Variants in PIK3C2G observed in about 807,000 individuals in gnomAD.
PIK3C2G encodes the protein phosphatidylinositol-4-phosphate 3-kinase catalytic subunit type 2 gamma.
In PIK3C2G, 168 loss-of-function variants were observed where a neutral mutation model predicts 181.1. The ratio of observed to expected loss-of-function variants is 0.93; its 90% CI spans 0.82 to 1.05. The LOEUF (loss-of-function observed/expected upper bound fraction) is 1.05. Among genes scored for constraint, PIK3C2G ranks in the 50% least tolerant of loss-of-function variants. The pLI, the probability that PIK3C2G is intolerant of heterozygous loss-of-function variation, is 0.00. For missense variants in PIK3C2G, 1,869 were observed against 1,732.8 expected, an observed-to-expected ratio of 1.08 and a Z score of -1.40; for synonymous variants, 573 against 592.2, an observed-to-expected ratio of 0.97 and a Z score of 0.47.
chr12:18,646,768 C>T (rs1038401905), intron 32 of PIK3C2G, among the ~76,000 whole-genome samples: 3 of 152,118 alleles, frequency 2.0e-5, no homozygotes, highest in South Asian at 2.1e-4. Flanking sequence ...CAGATTTCCA[C>T]TCAGCTCTCT....
chr12:18,554,437 A>G lies in PIK3C2G; in HGVS notation c.3590+8005A>G, dbSNP rs1016073878. ...TCCTTTTTAGTATCTTATTTTGTTT[A>G]AAGGATTAGAATATAAACTGTAAAG... On this transcript the variant is annotated intron_variant, in intron 26 of 32. Coordinates refer to ENST00000538779, the MANE Select transcript of PIK3C2G (RefSeq NM_001288772.2). Among the ~76,000 whole-genome samples the G allele has an allele frequency of 3.3e-5, 5 of 152,184 alleles. No individual in the cohort carries two copies. In the South Asian group the frequency reaches 1.0e-3, roughly 32 times the overall value.
At chr12:18,421,239 T>C (rs985312666) in intron 17 of PIK3C2G, among the ~76,000 whole-genome samples, 1 of 151,906 alleles carries the variant, frequency 6.6e-6, no homozygotes, top group African/African-American at 2.4e-5. Context: ...AAAAGGAAAA[T>C]TTTTTAAAAA....
chr12:18,531,567 C>A (rs1173255228), intron 24 of PIK3C2G, among the ~76,000 whole-genome samples: 1 of 152,134 alleles, frequency 6.6e-6, no homozygotes, highest in African/African-American at 2.4e-5. Context: ...CCCTGACAAC[C>A]ACTAATCTGT....
At chr12:18,585,315 A>G (rs552999401) in intron 29 of PIK3C2G, among the ~76,000 whole-genome samples, 67 of 152,278 alleles carry the variant, frequency 4.4e-4, no homozygotes, top group African/African-American at 1.4e-3. Flanking sequence ...AGTGACACAA[A>G]TAGACTCAAA....
At chr12:18,724,273 G>T in the PIK3C2G span, among the ~76,000 whole-genome samples, 1 of 152,172 alleles carries the variant, frequency 6.6e-6, no homozygotes, top group African/African-American at 2.4e-5. Flanking sequence ...ACAGACCTCG[G>T]TGAAATGACG....
chr12:18,443,554 T>C (rs180733083), intron 18 of PIK3C2G, among the ~76,000 whole-genome samples: 1 of 152,168 alleles, frequency 6.6e-6, no homozygotes, highest in Non-Finnish European at 1.5e-5. Flanking sequence ...TGTACCCTTT[T>C]ATTTCTGTAA....
intron 18 of PIK3C2G, among the ~76,000 whole-genome samples, chr12:18,455,768 C>T (rs1271702452): frequency 1.3e-5 from 2 of 152,066 alleles, no homozygotes; most frequent in African/African-American, 2.4e-5. Context: ...ATGAGATCTC[C>T]ACCTTCATGA....
chr12:18,610,202 G>A (rs1412924189), intron 31 of PIK3C2G, among the ~76,000 whole-genome samples: 1 of 152,024 alleles, frequency 6.6e-6, no homozygotes, highest in Non-Finnish European at 1.5e-5. Context: ...CCGAGTTGGG[G>A]TGCAGCAAAC....
At chr12:18,590,455 T>C (rs567380176) in intron 29 of PIK3C2G, among the ~76,000 whole-genome samples, 4 of 152,038 alleles carry the variant, frequency 2.6e-5, no homozygotes, top group Admixed American at 2.6e-4. Flanking sequence ...ACCCTACATA[T>C]GGGGAACCCT....
At chr12:18,338,819 T>C (rs1938833689) in intron 9 of PIK3C2G, among the ~76,000 whole-genome samples, 1 of 151,908 alleles carries the variant, frequency 6.6e-6, no homozygotes, top group South Asian at 2.1e-4. Context: ...CCTTTGAAGT[T>C]TGTAACCACC....
chr12:18,247,067 A>G (rs1056171956), upstream of PIK3C2G, among the ~76,000 whole-genome samples: 6 of 152,200 alleles, frequency 3.9e-5, no homozygotes, highest in African/African-American at 1.2e-4. Flanking sequence ...TCACTGCAAG[A>G]CTTCTCCCAG....
intron 8 of PIK3C2G, among the ~76,000 whole-genome samples, chr12:18,330,204 G>C (rs1232371304): frequency 1.3e-5 from 2 of 152,066 alleles, no homozygotes; most frequent in Non-Finnish European, 2.9e-5. Context: ...CCCATGTTAA[G>C]TGGGTAGTTT....
intron 24 of PIK3C2G, among the ~76,000 whole-genome samples, chr12:18,522,520 G>T (rs1942982847): frequency 6.7e-6 from 1 of 150,124 alleles, no homozygotes; most frequent in South Asian, 2.1e-4. Context: ...CTTGTTGGCA[G>T]GTTTTTTTTT....
chr12:18,581,234 G>A (rs1010845398), intron 29 of PIK3C2G, among the ~76,000 whole-genome samples: 1 of 152,058 alleles, frequency 6.6e-6, no homozygotes, highest in Non-Finnish European at 1.5e-5. Context: ...TTTCAAATTT[G>A]TTCTTTATTG....
chr12:18,259,602 G>T (rs960366585), upstream of PIK3C2G, among the ~76,000 whole-genome samples: 2 of 152,042 alleles, frequency 1.3e-5, no homozygotes, highest in East Asian at 1.9e-4. Context: ...TATATAATTT[G>T]ACATTGATTT....
intron 31 of PIK3C2G, among the ~76,000 whole-genome samples, chr12:18,639,395 A>G (rs1037645111): frequency 3.9e-5 from 6 of 152,164 alleles, no homozygotes; most frequent in Admixed American, 3.3e-4. Context: ...GCATTAAAAT[A>G]TATTTCTTGA....
the PIK3C2G span, among the ~76,000 whole-genome samples, chr12:18,702,090 T>TTA: frequency 6.6e-6 from 1 of 152,268 alleles, no homozygotes; most frequent in East Asian, 1.9e-4. Context: ...ATATAAATAC[T>TTA]TACCATGATA....
In PIK3C2G at chr12:18,626,829, T is replaced by G. The variant is rs377616586; in HGVS notation, c.4183-13600T>G. ...CTGCTCTCAGAATTTTTTCTTTGAT[T>G]TTTTTAATAGTTTGATTCTTATATG... On this transcript the variant is annotated intron_variant, in intron 31 of 32. Transcript: ENST00000538779. 1.3e-3 allele frequency among the ~76,000 whole-genome samples: 198 copies of G among 152,180 alleles called. 1 individual carries two copies. The highest frequency in any genetic ancestry group is 4.6e-3 in the African/African-American group (191 of 41,562).
intron 29 of PIK3C2G, among the ~76,000 whole-genome samples, chr12:18,586,808 A>T (rs1010979464): frequency 2.0e-5 from 3 of 152,120 alleles, no homozygotes; most frequent in South Asian, 2.1e-4. Flanking sequence ...AAAGATTCTC[A>T]ACTAAATATT....
Sources: gnomAD v4.1 joint callset for allele counts (sites outside exome capture counted in the v4.1 genomes callset) on GRCh38, gnomAD v4.1.1 for gene constraint, MANE v1.5 for transcripts, NCBI Gene and HGNC (gene_info 2026-07-23, HGNC 2026-07-21) for gene names.